The following ABCA13 variants were observed in gnomAD, a reference collection of about 807,000 sequenced individuals.
ABCA13 encodes the protein ATP binding cassette subfamily A member 13.
In ABCA13, 476 loss-of-function variants were observed where a neutral mutation model predicts 478.7. That is an observed-to-expected ratio of 0.99 (90% CI 0.92 to 1.07). The LOEUF (loss-of-function observed/expected upper bound fraction) is 1.07. Ranked by LOEUF, ABCA13 falls within the 50% of genes least tolerant of loss-of-function variation. ABCA13 has a pLI of 0.00. For missense variants in ABCA13, 6,060 were observed against 5,910.6 expected, an observed-to-expected ratio of 1.03 and a Z score of -0.83; for synonymous variants, 2,252 against 2,158.9, an observed-to-expected ratio of 1.04 and a Z score of -1.20.
At chr7:48,252,378 A>G (rs921492821) in intron 15 of ABCA13, among the ~76,000 whole-genome samples, 2 of 152,312 alleles carry the variant, frequency 1.3e-5, no homozygotes, top group African/African-American at 4.8e-5. Context: ...GTTCTGAGAA[A>G]TGCATTGTTA....
intron 19 of ABCA13, among the ~76,000 whole-genome samples, chr7:48,284,246 G>A (rs756706583): frequency 7.9e-5 from 12 of 152,176 alleles, no homozygotes; most frequent in Non-Finnish European, 1.5e-4. Context: ...ACATGGAAAA[G>A]GAGTAAGAAA....
chr7:48,492,572 G>A (rs1346680510), intron 48 of ABCA13, among the ~76,000 whole-genome samples: 1 of 152,196 alleles, frequency 6.6e-6, no homozygotes, highest in African/African-American at 2.4e-5. Flanking sequence ...ACAGTGTTGG[G>A]AGGAGGAACC....
chr7:48,487,087 G>T (rs1276063353), intron 47 of ABCA13, among the ~76,000 whole-genome samples: 1 of 152,038 alleles, frequency 6.6e-6, no homozygotes, highest in Admixed American at 6.5e-5. Context: ...AAAGTGGGCG[G>T]ATCACCTGAG....
intron 19 of ABCA13, among the ~76,000 whole-genome samples, chr7:48,283,839 G>A (rs1030735984): frequency 6.6e-6 from 1 of 152,236 alleles, no homozygotes; most frequent in African/African-American, 2.4e-5. Context: ...TGTAATGGAA[G>A]AAGCAGGCGC....
intron 42 of ABCA13, among the ~76,000 whole-genome samples, chr7:48,441,743 G>C (rs1215957843): frequency 1.3e-5 from 2 of 152,128 alleles, no homozygotes; most frequent in African/African-American, 4.8e-5. Context: ...ATTACAACCA[G>C]TTTGCAAACA....
At chr7:48,571,535 T>C (rs1787649104) in intron 55 of ABCA13, among the ~76,000 whole-genome samples, 1 of 152,068 alleles carries the variant, frequency 6.6e-6, no homozygotes, top group Admixed American at 6.6e-5. Context: ...CATCCTATTG[T>C]GTTCTGGCCT....
intron 48 of ABCA13, among the ~76,000 whole-genome samples, chr7:48,493,768 G>A (rs1223229010): frequency 6.6e-6 from 1 of 152,188 alleles, no homozygotes; most frequent in Non-Finnish European, 1.5e-5. Flanking sequence ...ATTGATTTAT[G>A]TTGCTTATCC....
At position 48,516,727 on chromosome 7, in the gene ABCA13, A is replaced by G. The variant is rs1425102732; in HGVS notation, c.13643A>G (p.Tyr4548Cys). 6.2e-7 allele frequency: 1 copy of G among 1,613,190 alleles called. No individual in the cohort carries two copies. Among genetic ancestry groups the G allele is most frequent in the African/African-American group, 1.3e-5 (1 of 74,894 alleles). The change falls in exon 52 of 62, where the codon TAT becomes TGT. Residue 4548 changes from tyrosine to cysteine, a missense_variant and splice_region_variant. Around this residue, in one of 3 missense-constraint regions of ABCA13, gnomAD observed 1,627 missense variants for 1,571.0 expected, o/e 1.04. Transcript: ENST00000435803. ...ATALLLSLFG[Y>C]ATLPWMYLMS... ...TTACTTTTCACTTTACTTTTCAGAT[A>G]TGCAACTCTTCCATGGATGTACCTG...
intron 58 of ABCA13, among the ~76,000 whole-genome samples, chr7:48,604,958 A>G (rs1407009599): frequency 1.3e-5 from 2 of 152,178 alleles, no homozygotes; most frequent in Non-Finnish European, 2.9e-5. Context: ...TTCTTGTTGC[A>G]TTGATCCCTT....
intron 51 of ABCA13, 149 bp from the exon 52 acceptor site, chr7:48,516,576 A>G: frequency 1.4e-6 from 1 of 726,730 alleles, no homozygotes; most frequent in African/African-American, 1.7e-5. Context: ...CATAGGTTGT[A>G]TGTATGGGGA....
chr7:48,271,323 A>G (rs530540742), intron 16 of ABCA13, among the ~76,000 whole-genome samples: 1 of 134,562 alleles, frequency 7.4e-6, no homozygotes, highest in African/African-American at 2.9e-5. Context: ...TAGGATGTAT[A>G]TAGTATTGTT....
intron 1 of ABCA13, among the ~76,000 whole-genome samples, chr7:48,185,955 G>T (rs1011979140): frequency 1.3e-5 from 2 of 151,742 alleles, no homozygotes; most frequent in Non-Finnish European, 2.9e-5. Context: ...ATCATTGATT[G>T]ATATCCTTAT....
chr7:48,477,423 A>C (rs1371768182), intron 45 of ABCA13, among the ~76,000 whole-genome samples: 1 of 152,230 alleles, frequency 6.6e-6, no homozygotes, highest in Non-Finnish European at 1.5e-5. Flanking sequence ...TCATGCTGCT[A>C]TAAAGACACA....
intron 42 of ABCA13, among the ~76,000 whole-genome samples, chr7:48,445,602 T>C (rs1350190913): frequency 6.6e-6 from 1 of 152,234 alleles, no homozygotes; most frequent in Non-Finnish European, 1.5e-5. Flanking sequence ...CGTGATTTAT[T>C]TGACTCTTCT....
At chr7:48,192,536 A>G (rs1290816635) in intron 1 of ABCA13, among the ~76,000 whole-genome samples, 1 of 152,236 alleles carries the variant, frequency 6.6e-6, no homozygotes, top group African/African-American at 2.4e-5. Context: ...TATGCATAAA[A>G]TGAAGGTAAA....
At chr7:48,436,735 A>G (rs1313840202) in intron 42 of ABCA13, among the ~76,000 whole-genome samples, 1 of 151,636 alleles carries the variant, frequency 6.6e-6, no homozygotes, top group African/African-American at 2.4e-5. Context: ...CATTCGTTTC[A>G]AGATATTTTC....
At chr7:48,431,822 A>G (rs1340953021) in intron 42 of ABCA13, among the ~76,000 whole-genome samples, 1 of 152,134 alleles carries the variant, frequency 6.6e-6, no homozygotes, top group Non-Finnish European at 1.5e-5. Context: ...AGTTTTCGCA[A>G]ACACTTTGTG....
intron 3 of ABCA13, among the ~76,000 whole-genome samples, chr7:48,216,468 A>C (rs1224160077): frequency 6.6e-6 from 1 of 152,164 alleles, no homozygotes; most frequent in Non-Finnish European, 1.5e-5. Context: ...AGTTGTAAGA[A>C]TTCTTCATAT....
chr7:48,187,017 G>GTATA (rs767585452), intron 1 of ABCA13, among the ~76,000 whole-genome samples: 21,197 of 134,930 alleles, frequency 0.16, 1,623 homozygotes, highest in Middle Eastern at 0.26. Context: ...ATATGTGTGT[G>GTATA]TGTATATATA....
Sources: gnomAD v4.1 joint callset for allele counts (sites outside exome capture counted in the v4.1 genomes callset) on GRCh38, gnomAD v4.1.1 for gene constraint, gnomAD v4.1.1 regional missense constraint, MANE v1.5 for transcripts, NCBI Gene and HGNC (gene_info 2026-07-23, HGNC 2026-07-21) for gene names.